Variants in CHL1 observed in about 807,000 individuals in gnomAD.
CHL1 encodes neural cell adhesion molecule L1-like protein.
CHL1 carries 96 observed loss-of-function variants against 141.9 expected under a neutral mutation model. The ratio of observed to expected loss-of-function variants is 0.68; its 90% CI spans 0.57 to 0.80. The LOEUF is 0.80. CHL1 is among the 30% of genes least tolerant of loss of function. CHL1 has a pLI of 0.00. For synonymous variants in CHL1, 613 were observed against 502.2 expected (o/e 1.22, Z -2.95); for missense variants, 1,820 against 1,457.2 (o/e 1.25, Z -4.05).
chr3:204,816 A>G (rs1015752303), intron 1 of CHL1, among the ~76,000 whole-genome samples: 5 of 152,192 alleles, frequency 3.3e-5, no homozygotes, highest in Admixed American at 6.5e-5. Flanking sequence ...AAAAAATCAT[A>G]ATGTCTTGCA....
intron 2 of CHL1, among the ~76,000 whole-genome samples, chr3:288,287 G>C (rs4541385): frequency 0.4 from 60,014 of 151,132 alleles, 12,155 homozygotes; most frequent in South Asian, 0.57. Context: ...CTCTCTAACT[G>C]CAGTCATCAT....
intron 9 of CHL1, among the ~76,000 whole-genome samples, chr3:345,374 G>T (rs1011427894): frequency 3.3e-5 from 5 of 152,102 alleles, no homozygotes; most frequent in Non-Finnish European, 5.9e-5. Context: ...TCCAGACCAT[G>T]TAATTTAAGA....
At chr3:221,005 T>G (rs1341814789) in intron 1 of CHL1, among the ~76,000 whole-genome samples, 1 of 152,202 alleles carries the variant, frequency 6.6e-6, no homozygotes, top group Non-Finnish European at 1.5e-5. Flanking sequence ...GACACTCCCT[T>G]CTATCGATTC....
At chr3:343,066 G>A in intron 8 of CHL1, 35 bp downstream of exon 8, 1 of 1,531,664 alleles carries the variant, frequency 6.5e-7, no homozygotes, top group Non-Finnish European at 8.9e-7. Context: ...TGGCATTTGT[G>A]TATAGCTCAT....
intron 11 of CHL1, 74 bp from the exon 12 acceptor site, chr3:360,210 C>A: frequency 6.6e-7 from 1 of 1,520,866 alleles, no homozygotes; most frequent in Admixed American, 1.7e-5. Context: ...TACTGTGTGA[C>A]ACATTTAATA....
intron 1 of CHL1, among the ~76,000 whole-genome samples, chr3:202,064 G>T (rs1698995777): frequency 6.6e-6 from 1 of 152,176 alleles, no homozygotes. Flanking sequence ...GGCTGCCAGG[G>T]TTCAAAATCT....
At chr3:276,593 G>A (rs1696123900) in intron 2 of CHL1, among the ~76,000 whole-genome samples, 1 of 152,054 alleles carries the variant, frequency 6.6e-6, no homozygotes, top group African/African-American at 2.4e-5. Context: ...TGGAGTTCAA[G>A]AGTATGGGCT....
chr3:273,913 A>G (rs538538505), intron 2 of CHL1, among the ~76,000 whole-genome samples: 1 of 152,202 alleles, frequency 6.6e-6, no homozygotes, highest in Non-Finnish European at 1.5e-5. Context: ...TGACCACGCC[A>G]TAATTCTGCC....
intron 16 of CHL1, 126 bp from the exon 17 acceptor site, chr3:382,053 G>A: frequency 1.8e-6 from 1 of 569,416 alleles, no homozygotes; most frequent in South Asian, 2.1e-5. Flanking sequence ...TGGGGGGCGG[G>A]GGTGCTTCCC....
At chr3:237,504 A>G (rs1473059337) in intron 1 of CHL1, among the ~76,000 whole-genome samples, 1 of 152,246 alleles carries the variant, frequency 6.6e-6, no homozygotes, top group Non-Finnish European at 1.5e-5. Context: ...AGACTGAGGT[A>G]TAATCAGTAT....
intron 2 of CHL1, among the ~76,000 whole-genome samples, chr3:277,963 A>G (rs1696305021): frequency 6.6e-6 from 1 of 152,186 alleles, no homozygotes; most frequent in Non-Finnish European, 1.5e-5. Context: ...TGTAGTTTGC[A>G]TTTAGGTATT....
chr3:398,148 A>G (rs1708827491), intron 24 of CHL1, 79 bp from the exon 25 acceptor site: 1 of 918,540 alleles, frequency 1.1e-6, no homozygotes, highest in South Asian at 3.2e-5. Flanking sequence ...TTTCTTATTC[A>G]CCTCTAACAA....
chr3:246,156 T>C (rs1421676678), intron 2 of CHL1, among the ~76,000 whole-genome samples: 2 of 152,110 alleles, frequency 1.3e-5, no homozygotes, highest in African/African-American at 2.4e-5. Context: ...AGGTAAATCT[T>C]CTGAGATAGT....
In CHL1 at chr3:311,021, C is replaced by T. The variant is rs887956671; in HGVS notation, c.-94-8662C>T. On this transcript the variant is annotated intron_variant, in intron 2 of 27. Coordinates refer to ENST00000256509, the MANE Select transcript of CHL1 (RefSeq NM_006614.4). The stretch of plus-strand genomic sequence containing the variant: ...AAATTGGCCTGTTCACTTAATGTGC[C>T]TTTAGGTTTCCTTCACCTCTTTTCA... 7.9e-5 allele frequency among the ~76,000 whole-genome samples: 12 copies of T among 152,068 alleles called. No individual in the cohort carries two copies. The South Asian group carries it at 1.9e-3, about 24-fold the overall frequency.
intron 2 of CHL1, among the ~76,000 whole-genome samples, chr3:299,919 C>T (rs1455603448): frequency 1.3e-5 from 2 of 152,136 alleles, no homozygotes; most frequent in Non-Finnish European, 2.9e-5. Flanking sequence ...TCCATTCCAT[C>T]GAGATTGCAG....
chr3:249,009 C>A (rs943070482), intron 2 of CHL1, among the ~76,000 whole-genome samples: 3 of 152,190 alleles, frequency 2.0e-5, no homozygotes, highest in Non-Finnish European at 4.4e-5. Context: ...CAAGAAAATG[C>A]TATTTTTGCC....
intron 2 of CHL1, among the ~76,000 whole-genome samples, chr3:303,588 C>T (rs775788349): frequency 6.6e-6 from 1 of 152,108 alleles, no homozygotes; most frequent in Non-Finnish European, 1.5e-5. Context: ...ATTTTGTATC[C>T]TGAGGCTTTG....
At chr3:255,006 G>A (rs1315989033) in intron 2 of CHL1, among the ~76,000 whole-genome samples, 2 of 152,100 alleles carry the variant, frequency 1.3e-5, no homozygotes, top group Non-Finnish European at 2.9e-5. Flanking sequence ...CAGATACCAG[G>A]ATTTGCCTAT....
At chr3:267,171 G>A (rs1366888269) in intron 2 of CHL1, among the ~76,000 whole-genome samples, 5 of 152,126 alleles carry the variant, frequency 3.3e-5, no homozygotes, top group African/African-American at 1.2e-4. Context: ...TTAAATAAAT[G>A]CCTATTGAAA....
Sources: gnomAD v4.1 joint callset for allele counts (sites outside exome capture counted in the v4.1 genomes callset) on GRCh38, gnomAD v4.1.1 for gene constraint, MANE v1.5 for transcripts, NCBI Gene and HGNC (gene_info 2026-07-23, HGNC 2026-07-21) for gene names.